Variants in SERPINA11 observed in about 807,000 individuals in gnomAD.
SERPINA11 encodes the protein serpin A11.
Under a neutral mutation model 29.4 loss-of-function variants are expected in SERPINA11, and 28 were observed. The observed-to-expected ratio is 0.95, with a 90% CI of 0.70 to 1.30. The LOEUF (loss-of-function observed/expected upper bound fraction) is 1.30, where lower values mean the gene tolerates loss of function less well. Ranked by LOEUF, SERPINA11 falls within the 50% of genes most tolerant of loss-of-function variation. The pLI is 0.00. For missense variants in SERPINA11, 530 were observed against 507.3 expected (o/e 1.04, Z -0.43); for synonymous variants, 253 against 206.6 (o/e 1.22, Z -1.92).
rs1173351912 is a variant in SERPINA11 at position 94,448,598 on chromosome 14, CA to C, written c.176del (p.Leu59CysfsTer20). The C allele has an allele frequency of 2.5e-6, 4 of 1,613,576 alleles. No homozygotes were observed. The highest frequency in any genetic ancestry group is 3.4e-6 in the Non-Finnish European group (4 of 1,179,712). ...RITPTITNFA[L>X]RLYKELAADA... ...CTGCTGCCAGCTCTTTATACAAACG[CA>C]AAGCAAAATTGGTAATGGTGGGTGT... On this transcript the variant is annotated frameshift_variant, in exon 2 of 5. Transcript: ENST00000334708. LOFTEE classifies it high-confidence loss of function.
intron 1 of SERPINA11, among the ~76,000 whole-genome samples, chr14:94,452,249 T>C (rs1358571595): frequency 6.6e-6 from 1 of 152,072 alleles, no homozygotes; most frequent in Admixed American, 6.5e-5. Flanking sequence ...AGCACAGGGA[T>C]TATTAGCCCT....
At chr14:94,452,074 G>A (rs1898596070) in intron 1 of SERPINA11, among the ~76,000 whole-genome samples, 1 of 152,202 alleles carries the variant, frequency 6.6e-6, no homozygotes, top group South Asian at 2.1e-4. Flanking sequence ...CTGGTGGAGG[G>A]ATGCTGCTGG....
At chr14:94,449,475 TTCTTTCTG>T (rs1271414425) in intron 1 of SERPINA11, among the ~76,000 whole-genome samples, 1,335 of 90,932 alleles carry the variant, frequency 0.015, 28 homozygotes, top group East Asian at 0.094. Context: ...CTTTCTTTCT[TTCTTTCTG>T]TCTGTCTGTC....
chr14:94,442,870 G>C (rs1898370060), intron 4 of SERPINA11, 61 bp from the exon 5 acceptor site: 13 of 1,425,662 alleles, frequency 9.1e-6, no homozygotes, highest in Non-Finnish European at 1.0e-5. Flanking sequence ...GGAAGACACT[G>C]TATTCCTGCC....
intron 3 of SERPINA11, among the ~76,000 whole-genome samples, chr14:94,444,389 C>T (rs985311420): frequency 3.9e-5 from 6 of 152,132 alleles, no homozygotes; most frequent in Admixed American, 2.6e-4. Flanking sequence ...GATATTGTAA[C>T]TCTCTGGCAC....
intron 1 of SERPINA11, among the ~76,000 whole-genome samples, chr14:94,449,409 CT>C: frequency 6.4e-5 from 1 of 15,570 alleles, no homozygotes; most frequent in South Asian, 3.1e-3. Flanking sequence ...TCTTTCTATT[CT>C]TTCTTTCTTT....
intron 3 of SERPINA11, among the ~76,000 whole-genome samples, chr14:94,445,268 C>T (rs374549472): frequency 9.2e-5 from 14 of 152,110 alleles, no homozygotes; most frequent in Non-Finnish European, 1.3e-4. Flanking sequence ...TTAAGTCATT[C>T]GGTTTTGGGG....
At chr14:94,450,881 C>T (rs1190254361) in intron 1 of SERPINA11, among the ~76,000 whole-genome samples, 2 of 152,050 alleles carry the variant, frequency 1.3e-5, no homozygotes, top group Admixed American at 6.5e-5. Flanking sequence ...AGTCCCATCC[C>T]CCGACCCTAC....
rs12888805 is a variant in SERPINA11, at chr14:94,446,462, G to C, written c.786C>G (p.Thr262=). The C allele has an allele frequency of 6.2e-7, 1 of 1,613,662 alleles. No individual in the cohort carries two copies. The highest frequency in any genetic ancestry group is 2.2e-5 in the East Asian group (1 of 44,882). The change falls in exon 3 of 5, where the codon ACC becomes ACG. Residue 262 remains threonine, a synonymous_variant. Transcript: ENST00000334708. ...TTCCTCTGTATTCTATCTGGAGGAC[G>C]GTGCAAGCCAAATCCTGGTCATAGA... is the stretch of plus-strand genomic sequence containing the variant. The part of the protein sequence containing the change: ...RFLYDQDLAC[T]VLQIEYRGNA...
At chr14:94,445,550 C>A (rs1036796251) in intron 3 of SERPINA11, among the ~76,000 whole-genome samples, 1 of 151,894 alleles carries the variant, frequency 6.6e-6, no homozygotes, top group African/African-American at 2.4e-5. Flanking sequence ...ATAGAAGCAC[C>A]CTTTAACAAT....
At position 94,445,756 on chromosome 14, in the gene SERPINA11, G is replaced by T. The variant is rs74325191; in HGVS notation, c.917+575C>A. The stretch of plus-strand genomic sequence containing the variant: ...GCTATATATGTTTTTTTTTCATTTT[G>T]CATAGAGGCAGGGTCTTGCTATGTT... On this transcript the variant is annotated intron_variant, in intron 3 of 4. Coordinates refer to ENST00000334708, the MANE Select transcript of SERPINA11 (RefSeq NM_001080451.2). Among the ~76,000 whole-genome samples the T allele has an allele frequency of 0.029, 4,324 of 151,568 alleles. 310 individuals carry two copies. In the East Asian group the frequency reaches 0.32, roughly 11 times the overall value.
rs1432010661 is a variant in SERPINA11, at chr14:94,446,369, TGGCTGCAGAGCA to T, written c.867_878del (p.Ala290_Pro293del). 4 of 1,613,818 alleles carry T rather than the reference TGGCTGCAGAGCA, an allele frequency of 2.5e-6. No individual in the cohort carries two copies. The Admixed American group carries it at 6.7e-5, about 27-fold the overall frequency. On this transcript the variant is annotated inframe_deletion, in exon 3 of 5. Coordinates refer to ENST00000334708, the MANE Select transcript of SERPINA11 (RefSeq NM_001080451.2). ...ATTGGCCCCATTTTCTCAGGGTCTG[TGGCTGCAGAGCA>T]GCCTCCACCTGCTTCATTTTCCCCG...
chr14:94,446,636 A>C, intron 2 of SERPINA11, 32 bp from the exon 3 acceptor site: 5 of 1,588,610 alleles, frequency 3.1e-6, no homozygotes, highest in Non-Finnish European at 3.4e-6. Context: ...GGCCATGAGA[A>C]CTCTTTTCAA....
At chr14:94,447,222 C>T (rs10149717) in intron 2 of SERPINA11, among the ~76,000 whole-genome samples, 111,478 of 152,140 alleles carry the variant, frequency 0.73, 40,976 homozygotes, top group African/African-American at 0.76. Context: ...TAGTTAGAAA[C>T]GCAGAATTTT....
intron 3 of SERPINA11, among the ~76,000 whole-genome samples, chr14:94,444,795 G>T (rs991506574): frequency 6.6e-6 from 1 of 152,156 alleles, no homozygotes; most frequent in African/African-American, 2.4e-5. Flanking sequence ...TGCCTCCCAG[G>T]TTGTGGTGGA....
intron 1 of SERPINA11, among the ~76,000 whole-genome samples, chr14:94,449,884 A>G (rs1006138102): frequency 1.3e-5 from 2 of 152,166 alleles, no homozygotes; most frequent in African/African-American, 4.8e-5. Context: ...GCTATTGACT[A>G]TGATCCTGCC....
At chr14:94,450,452 C>T (rs916413377) in intron 1 of SERPINA11, among the ~76,000 whole-genome samples, 4 of 152,130 alleles carry the variant, frequency 2.6e-5, no homozygotes, top group East Asian at 1.9e-4. Flanking sequence ...GATGCTTCTA[C>T]AAGCCGAGGA....
Position 94,448,522 on chromosome 14 carries a change from C to T in SERPINA11, c.253G>A (p.Ala85Thr). Residue 85 changes from alanine (A) to threonine (T), a missense_variant, in exon 2 of 5, where the codon GCC becomes ACC. Physicochemically the swap from Ala to Thr is moderately conservative, Grantham distance 58. Coordinates refer to ENST00000334708, the MANE Select transcript of SERPINA11 (RefSeq NM_001080451.2). ...GCTTGGGCCCCAAGAGAGAGCAGGG[C>T]CAGGGTGGTGGAGATGCTCACTGGC... ...FSPVSISTTL[A>T]LLSLGAQANT... 4.3e-6 allele frequency: 7 copies of T among 1,614,158 alleles called. No individual in the cohort carries two copies. Among genetic ancestry groups the T allele is most frequent in the Non-Finnish European group, 5.9e-6 (7 of 1,180,040 alleles).
At chr14:94,449,489 C>CTTTCTTTCT (rs1443574592) in intron 1 of SERPINA11, among the ~76,000 whole-genome samples, 6 of 93,084 alleles carry the variant, frequency 6.4e-5, no homozygotes, top group African/African-American at 3.3e-4. Flanking sequence ...TTCTGTCTGT[C>CTTTCTTTCT]TGTCTTTCTT....
Sources: allele counts gnomAD v4.1 joint callset (sites outside exome capture counted in the v4.1 genomes callset), GRCh38; gene constraint gnomAD v4.1.1; transcripts MANE v1.5; gene names NCBI Gene and HGNC (gene_info 2026-07-23, HGNC 2026-07-21).